The following MATN2 variants were observed in gnomAD, a reference collection of about 807,000 sequenced individuals.
The protein encoded by MATN2 is matrilin-2.
In MATN2, 69 loss-of-function variants were observed where a neutral mutation model predicts 103.2. The observed-to-expected ratio is 0.67, with a 90% CI of 0.55 to 0.82. MATN2 has a LOEUF of 0.82. Among genes scored for constraint, MATN2 ranks in the 40% least tolerant of loss-of-function variants. MATN2 has a pLI of 0.00. For synonymous variants in MATN2, 429 were observed against 450.2 expected (o/e 0.95, Z 0.60); for missense variants, 1,023 against 1,211.5 (o/e 0.84, Z 2.31).
intron 2 of MATN2, among the ~76,000 whole-genome samples, chr8:97,921,443 C>A (rs893289265): frequency 6.6e-6 from 1 of 151,278 alleles, no homozygotes; most frequent in Non-Finnish European, 1.5e-5. Context: ...CATGTGATGC[C>A]GCAGCTGGCG....
chr8:97,997,887 T>C (rs1812643444), intron 7 of MATN2, among the ~76,000 whole-genome samples: 1 of 150,360 alleles, frequency 6.7e-6, no homozygotes, highest in Non-Finnish European at 1.5e-5. Flanking sequence ...TGGAGCAATC[T>C]TGGCTCACTA....
chr8:97,921,563 T>A (rs866992012), intron 2 of MATN2, among the ~76,000 whole-genome samples: 1 of 128,086 alleles, frequency 7.8e-6, no homozygotes, highest in South Asian at 2.4e-4. Flanking sequence ...GAAGTCGCAC[T>A]GTGGTAAAAA....
chr8:98,027,010 C>T (rs1012254462), intron 13 of MATN2, among the ~76,000 whole-genome samples: 3 of 152,090 alleles, frequency 2.0e-5, no homozygotes, highest in African/African-American at 7.3e-5. Flanking sequence ...TCTCTTTCTC[C>T]ATTGACTGTC....
intron 2 of MATN2, among the ~76,000 whole-genome samples, chr8:97,894,302 G>C (rs2130002686): frequency 7.1e-6 from 1 of 140,620 alleles, no homozygotes; most frequent in Non-Finnish European, 1.5e-5. Context: ...AAAAACTAAT[G>C]AAGAAAATCT....
At chr8:97,965,824 A>G (rs1303333620) in intron 5 of MATN2, among the ~76,000 whole-genome samples, 1 of 152,120 alleles carries the variant, frequency 6.6e-6, no homozygotes, top group African/African-American at 2.4e-5. Context: ...CTACTAAAAA[A>G]AAATACAAAA....
intron 3 of MATN2, among the ~76,000 whole-genome samples, chr8:97,941,207 C>T (rs1810553961): frequency 7.2e-6 from 1 of 138,898 alleles, no homozygotes; most frequent in Non-Finnish European, 1.6e-5. Flanking sequence ...AGAAAAGATG[C>T]TAAATAGGTA....
chr8:97,934,312 T>C lies in MATN2; in HGVS notation c.712+2790T>C, dbSNP rs367966698. ...AAATGGGGATTTTATATGCAGAAAG[T>C]AGATGAGTGAACAGGTGTTGTAAAT... On this transcript the variant is annotated intron_variant, in intron 3 of 18. Coordinates refer to ENST00000254898, the MANE Select transcript of MATN2 (RefSeq NM_002380.5). Among the ~76,000 whole-genome samples, 529 of 152,306 alleles carry C rather than the reference T, an allele frequency of 3.5e-3. 5 individuals carry two copies. The highest frequency in any genetic ancestry group is 0.012 in the African/African-American group (501 of 41,556).
chr8:97,951,806 A>G (rs1810963139), intron 4 of MATN2, among the ~76,000 whole-genome samples: 1 of 152,214 alleles, frequency 6.6e-6, no homozygotes, highest in South Asian at 2.1e-4. Flanking sequence ...CTTGTTTCAG[A>G]GATTCCCCCC....
intron 10 of MATN2, among the ~76,000 whole-genome samples, chr8:98,011,943 G>A (rs1464968634): frequency 2.6e-5 from 4 of 152,218 alleles, no homozygotes; most frequent in Non-Finnish European, 4.4e-5. Flanking sequence ...CTGAGCACAC[G>A]CTGCAGAATC....
Position 97,982,322 on chromosome 8 carries a change from A to C in MATN2, c.1081+3314A>C, listed in dbSNP as rs1812055039. On this transcript the variant is annotated intron_variant, in intron 6 of 18. Transcript: ENST00000254898. This position sits in a 1 kb window ranked among gnomAD's most constrained non-coding sequence, Gnocchi z 4.3. Reference sequence around the variant, plus strand: ...AGTTAAAATTACAGAAACAGGATAGAGGCAGAAGCTCAGAACCGAAGCAGC... The same window carrying C: ...AGTTAAAATTACAGAAACAGGATAGCGGCAGAAGCTCAGAACCGAAGCAGC... Among the ~76,000 whole-genome samples the C allele has an allele frequency of 6.6e-6, 1 of 151,344 alleles. No homozygotes were observed.
intron 16 of MATN2, among the ~76,000 whole-genome samples, chr8:98,032,794 AG>A (rs1467349039): frequency 6.6e-6 from 1 of 151,896 alleles, no homozygotes; most frequent in African/African-American, 2.4e-5. Flanking sequence ...GGCCTCCCAA[AG>A]TGCTGGGATT....
intron 2 of MATN2, among the ~76,000 whole-genome samples, chr8:97,895,309 T>C (rs999172422): frequency 1.3e-5 from 2 of 152,364 alleles, no homozygotes; most frequent in East Asian, 1.9e-4. Context: ...GCTCTGGCTC[T>C]CCGACCAACC....
At chr8:97,922,787 C>G (rs1477221324) in intron 2 of MATN2, among the ~76,000 whole-genome samples, 1 of 152,172 alleles carries the variant, frequency 6.6e-6, no homozygotes, top group Non-Finnish European at 1.5e-5. Flanking sequence ...TCTCTCTCAG[C>G]ATGTATCATT....
intron 4 of MATN2, among the ~76,000 whole-genome samples, chr8:97,947,798 T>C (rs1048055636): frequency 6.6e-6 from 1 of 152,158 alleles, no homozygotes; most frequent in African/African-American, 2.4e-5. Context: ...AAAACTAGAA[T>C]AGTCAAACCC....
rs560022740 is a variant in MATN2 at position 98,034,238 on chromosome 8, A to G, written c.2815+579A>G. The G allele has an allele frequency of 9.9e-5, 45 of 454,602 alleles. 2 individuals carry two copies. Among genetic ancestry groups the G allele is most frequent in the African/African-American group, 6.8e-4 (34 of 50,068 alleles). The allele number at this position is 454,602 out of a possible 1,614,324, so 28.2% of individuals were successfully genotyped here. ...TCCACCAAGGGAACAGCAGGATCCAATGATTCATTTAAACAATATTAAATA... is the reference window on the plus strand; with the variant it reads ...TCCACCAAGGGAACAGCAGGATCCAGTGATTCATTTAAACAATATTAAATA... On this transcript the variant is annotated intron_variant, in intron 18 of 18. Coordinates refer to ENST00000254898, the MANE Select transcript of MATN2 (RefSeq NM_002380.5).
chr8:97,931,167 G>A lies in MATN2; in HGVS notation c.357G>A (p.Glu119=). ...TCAAGACCTTCAAGAGGAAGTCCGAGGTGGAGCGTGCTGTCAAGAGGATGC... is the reference window on the plus strand; with the variant it reads ...TCAAGACCTTCAAGAGGAAGTCCGAAGTGGAGCGTGCTGTCAAGAGGATGC... ...FSLKTFKRKS[E]VERAVKRMRH... The change falls in exon 3 of 19, where the codon GAG becomes GAA. Residue 119 remains glutamate, a synonymous_variant. Transcript: ENST00000254898. This position sits in a 1 kb window ranked among gnomAD's most constrained non-coding sequence, Gnocchi z 4.1. The A allele has an allele frequency of 6.2e-7, 1 of 1,613,752 alleles. No homozygotes were observed. Among genetic ancestry groups the A allele is most frequent in the South Asian group, 1.1e-5 (1 of 91,068 alleles).
intron 16 of MATN2, 109 bp from the exon 17 acceptor site, chr8:98,032,932 TA>T: frequency 1.0e-6 from 1 of 969,566 alleles, no homozygotes; most frequent in Admixed American, 3.6e-5. Context: ...TGTCCCAAAG[TA>T]AAGCTCTGTA....
chr8:97,980,634 G>C (rs559380150), intron 6 of MATN2, among the ~76,000 whole-genome samples: 1 of 140,666 alleles, frequency 7.1e-6, no homozygotes, highest in Non-Finnish European at 1.5e-5. Context: ...ATGTGATCTC[G>C]GCTCACTGCA....
At chr8:97,991,253 TTTTG>T (rs1812379300) in intron 6 of MATN2, among the ~76,000 whole-genome samples, 1 of 152,142 alleles carries the variant, frequency 6.6e-6, no homozygotes, top group African/African-American at 2.4e-5. Flanking sequence ...TTTCGTTTTG[TTTTG>T]TTTGTTAGAG....
Sources: gnomAD v4.1 joint callset for allele counts (sites outside exome capture counted in the v4.1 genomes callset) on GRCh38, gnomAD v4.1.1 for gene constraint, Gnocchi (gnomAD v3.1) non-coding constraint, MANE v1.5 for transcripts, NCBI Gene and HGNC (gene_info 2026-07-23, HGNC 2026-07-21) for gene names.